CIDEB: variants seen among roughly 807,000 people sequenced by gnomAD.
CIDEB encodes lipid transferase CIDEB.
In CIDEB, 27 loss-of-function variants were observed where a neutral mutation model predicts 22.4. That is an observed-to-expected ratio of 1.21 (90% CI 0.89 to 1.66). CIDEB has a LOEUF of 1.66. Ranked by LOEUF, CIDEB falls within the 40% of genes most tolerant of loss-of-function variation. The pLI is 0.00. For synonymous variants in CIDEB, 103 were observed against 109.5 expected (o/e 0.94, Z 0.37); for missense variants, 289 against 268.7 (o/e 1.08, Z -0.53).
Position 24,307,516 on chromosome 14 carries a change from C to T in CIDEB, c.42-1G>A. The T allele has an allele frequency of 1.2e-6, 2 of 1,612,298 alleles. No homozygotes were observed. Among genetic ancestry groups the T allele is most frequent in the Non-Finnish European group, 8.5e-7 (1 of 1,178,914 alleles). On this transcript the variant is annotated splice_acceptor_variant, in intron 1 of 4. Transcript: ENST00000554411. LOFTEE classifies it high-confidence loss of function. ...CTCCGAGCTTATATTAGATACTGAC[C>T]TGGTAGTTGAGAAGAAAAGTCAAGA...
In CIDEB at chr14:24,305,776, G is replaced by C. The variant is rs2041483569; in HGVS notation, c.528-11C>G. The C allele has an allele frequency of 1.2e-6, 2 of 1,611,104 alleles. No homozygotes were observed. Among genetic ancestry groups the C allele is most frequent in the Admixed American group, 3.4e-5 (2 of 59,262 alleles). On this transcript the variant is annotated splice_polypyrimidine_tract_variant and intron_variant, in intron 4 of 4. Coordinates refer to ENST00000554411, the MANE Select transcript of CIDEB (RefSeq NM_001393339.1). Reference sequence around the variant, plus strand: ...CAACGAAGGAGCTCCCTGAATGGCAGAGACAAGAGGAAATCAGATGATTTG... The same window carrying C: ...CAACGAAGGAGCTCCCTGAATGGCACAGACAAGAGGAAATCAGATGATTTG...
At chr14:24,308,656 A>G (rs2041595581), upstream of CIDEB, 1 of 152,240 alleles carries the variant, frequency 6.6e-6, no homozygotes, top group African/African-American at 2.4e-5. Flanking sequence ...TGGCATCAAG[A>G]CTTTAGCTTC....
chr14:24,310,894 T>C, upstream of CIDEB: 1 of 1,592,996 alleles, frequency 6.3e-7, no homozygotes, highest in Non-Finnish European at 8.5e-7. Context: ...CTCACGCCGC[T>C]CTTTGTGGCC....
Position 24,305,931 on chromosome 14 carries a change from CAT to C in CIDEB, c.527+14_527+15del. ...AACTGTAGGGGATGGGGCAGTATGA[CAT>C]GTTGATTTCTGACCTGAGTACTTTC... is the stretch of plus-strand genomic sequence containing the variant. On this transcript the variant is annotated intron_variant, in intron 4 of 4. Transcript: ENST00000554411. 1 of 1,609,490 alleles carries C rather than the reference CAT, an allele frequency of 6.2e-7. No homozygotes were observed. The highest frequency in any genetic ancestry group is 8.5e-7 in the Non-Finnish European group (1 of 1,177,272).
At chr14:24,310,778 C>T (rs962300330), upstream of CIDEB, 5 of 1,607,810 alleles carry the variant, frequency 3.1e-6, no homozygotes, top group African/African-American at 2.7e-5. Context: ...TGCCTGGCAA[C>T]GGCTTCGTGG....
In CIDEB at chr14:24,307,881, C is replaced by A; in HGVS notation, c.-23G>T. On this transcript the variant is annotated 5_prime_UTR_variant, in exon 1 of 5. The change creates a new upstream start codon in the 5' untranslated region. Coordinates refer to ENST00000554411, the MANE Select transcript of CIDEB (RefSeq NM_001393339.1). ...CATGGTGGACCGGAGAGTTCCTTCC[C>A]TGGAACTTCTGGGCTGGGTGGTTCT... 1 of 1,572,742 alleles carries A rather than the reference C, an allele frequency of 6.4e-7. No homozygotes were observed. The highest frequency in any genetic ancestry group is 2.3e-5 in the East Asian group (1 of 43,206).
chr14:24,310,814 TGCACGGGGGCGACCGCTGGCGGCCA>T (rs2041669899), upstream of CIDEB: 1 of 1,595,566 alleles, frequency 6.3e-7, no homozygotes. Context: ...GCTGGCGGCC[TGCACGGGGGCGACCGCTGGCGGCCA>T]CGCTTGTGCT....
At position 24,305,765 on chromosome 14, in the gene CIDEB, C is replaced by T; in HGVS notation, c.528G>A (p.Arg176=). The T allele has an allele frequency of 6.2e-7, 1 of 1,612,788 alleles. No individual in the cohort carries two copies. Among genetic ancestry groups the T allele is most frequent in the South Asian group, 1.1e-5 (1 of 90,844 alleles). ...FQGLGPKKVL[R]ELLRWTSTLL... ...GTGTGGAGGTCCAACGAAGGAGCTC[C>T]CTGAATGGCAGAGACAAGAGGAAAT... is the stretch of plus-strand genomic sequence containing the variant. Residue 176 remains arginine (R), a splice_region_variant and synonymous_variant, in exon 5 of 5, where the codon AGG becomes AGA. Transcript: ENST00000554411.
upstream of CIDEB, chr14:24,310,435 T>C (rs573945199): frequency 5.4e-5 from 36 of 672,778 alleles, no homozygotes; most frequent in African/African-American, 6.5e-4. Flanking sequence ...AGGCCAGGAG[T>C]GGGGCAGGTC....
chr14:24,311,053 C>T (rs766518366), upstream of CIDEB: 93 of 1,572,272 alleles, frequency 5.9e-5, 1 homozygote, highest in East Asian at 1.9e-3. Flanking sequence ...TTCCTGGCGC[C>T]TCGGCTGCGC....
chr14:24,310,580 T>G (rs146912351), upstream of CIDEB: 389 of 1,404,620 alleles, frequency 2.8e-4, 2 homozygotes, highest in African/African-American at 4.9e-3. Context: ...GCATGGCACC[T>G]TCTCATCGGG....
chr14:24,307,325 C>A, intron 2 of CIDEB, 46 bp downstream of exon 2: 1 of 1,577,502 alleles, frequency 6.3e-7, no homozygotes, highest in Non-Finnish European at 8.6e-7. Context: ...TTGTGGAGCC[C>A]CTTGGCTACC....
rs1209735087 is a variant in CIDEB at position 24,306,643 on chromosome 14, C to A, written c.187-120G>T. On this transcript the variant is annotated intron_variant, in intron 2 of 4. Transcript: ENST00000554411. ...TCGATGTCCCACTTTGACTTTCCGG[C>A]ACTTTGATACCTCCTAAAGGTTGCA... The A allele has an allele frequency of 7.5e-6, 9 of 1,207,294 alleles. No individual in the cohort carries two copies. In the African/African-American group the frequency reaches 1.2e-4, roughly 16 times the overall value. The allele number at this position is 1,207,294 out of a possible 1,614,324, so 74.8% of individuals were successfully genotyped here.
In CIDEB at chr14:24,305,968, A is replaced by G. The variant is rs1244504359; in HGVS notation, c.506T>C (p.Leu169Pro). Residue 169 changes from leucine to proline, a missense_variant, in exon 4 of 5, where the codon CTT becomes CCT. Leu to Pro is a moderately conservative substitution (Grantham distance 98, BLOSUM62 -3). Coordinates refer to ENST00000554411, the MANE Select transcript of CIDEB (RefSeq NM_001393339.1). ...TGACCTGAGTACTTTCTTTGGGCCA[A>G]GTCCTTGAAAGTCACAACTCATAGA... ...LYSMSCDFQG[L>P]GPKKVLRELL... 1.2e-6 allele frequency: 2 copies of G among 1,613,972 alleles called. No homozygotes were observed. Among genetic ancestry groups the G allele is most frequent in the South Asian group, 1.1e-5 (1 of 91,062 alleles).
upstream of CIDEB, chr14:24,311,151 T>G: frequency 6.2e-7 from 1 of 1,601,658 alleles, no homozygotes; most frequent in Non-Finnish European, 8.5e-7. Flanking sequence ...CCGCCACCTG[T>G]GGAGGGACCG....
At position 24,307,451 on chromosome 14, in the gene CIDEB, G is replaced by A. The variant is rs767677250; in HGVS notation, c.106C>T (p.Arg36Ter). The change falls in exon 2 of 5, where the codon CGA becomes TGA. Residue 36 changes from arginine (R) to a stop codon, truncating the protein, a stop_gained. Coordinates refer to ENST00000554411, the MANE Select transcript of CIDEB (RefSeq NM_001393339.1). LOFTEE classifies it high-confidence loss of function. Reference sequence around the variant, plus strand: ...TTGTGATCACAGACACGGAAAGGTCGCTGGGGTGGTGGAGCTGAGGTCCAG... The same window carrying A: ...TTGTGATCACAGACACGGAAAGGTCACTGGGGTGGTGGAGCTGAGGTCCAG... Reference protein sequence around the residue: ...RVWTSAPPPQRPFRVCDHKRT... With the variant: ...RVWTSAPPPQ The A allele has an allele frequency of 2.6e-5, 42 of 1,613,978 alleles. No homozygotes were observed. The highest frequency in any genetic ancestry group is 3.4e-5 in the Non-Finnish European group (40 of 1,180,004).
chr14:24,306,221 C>G (rs1299334659), intron 3 of CIDEB, 84 bp from the exon 4 acceptor site: 1 of 1,529,638 alleles, frequency 6.5e-7, no homozygotes, highest in Non-Finnish European at 9.0e-7. Flanking sequence ...CAGACCCTCC[C>G]TCGCTTGGAC....
intron 3 of CIDEB, 94 bp from the exon 4 acceptor site, chr14:24,306,231 C>T: frequency 6.5e-7 from 1 of 1,529,014 alleles, no homozygotes; most frequent in Non-Finnish European, 9.0e-7. Context: ...CTCGCTTGGA[C>T]TTTCTGTCCA....
rs372847855 is a variant in CIDEB at position 24,306,012 on chromosome 14, G to A, written c.462C>T (p.Ala154=). 1.2e-6 allele frequency: 2 copies of A among 1,614,032 alleles called. No homozygotes were observed. The highest frequency in any genetic ancestry group is 2.7e-5 in the African/African-American group (2 of 74,914). The change falls in exon 4 of 5, where the codon GCC becomes GCT. Residue 154 remains alanine (A), a synonymous_variant. Transcript: ENST00000554411. The part of the protein sequence containing the change: ...RDLFGSLNVK[A]TFYGLYSMSC... Reference sequence around the variant, plus strand: ...TCATAGAGTAGAGCCCGTAGAATGTGGCTTTGACATTCAGGCTGCCAAAGA... The same window carrying A: ...TCATAGAGTAGAGCCCGTAGAATGTAGCTTTGACATTCAGGCTGCCAAAGA...
Sources: allele counts gnomAD v4.1 joint callset, GRCh38; gene constraint gnomAD v4.1.1; transcripts MANE v1.5; gene names NCBI Gene and HGNC (gene_info 2026-07-23, HGNC 2026-07-21).